The following STK32B variants were observed in gnomAD, a reference collection of about 807,000 sequenced individuals.
STK32B encodes the protein serine/threonine kinase 32B.
In STK32B, 43 loss-of-function variants were observed where a neutral mutation model predicts 52.6. The ratio of observed to expected loss-of-function variants is 0.82; its 90% CI spans 0.64 to 1.05. The LOEUF is 1.05. Among genes scored for constraint, STK32B ranks in the 50% least tolerant of loss-of-function variants. STK32B has a pLI of 0.00. For synonymous variants in STK32B, 238 were observed against 204.3 expected, an observed-to-expected ratio of 1.17 and a Z score of -1.41; for missense variants, 621 against 534.6, an observed-to-expected ratio of 1.16 and a Z score of -1.59.
chr4:5,074,393 T>C (rs1370189767), intron 1 of STK32B, among the ~76,000 whole-genome samples: 1 of 152,082 alleles, frequency 6.6e-6, no homozygotes, highest in Non-Finnish European at 1.5e-5. Context: ...ATTTTCTATA[T>C]TTCTGCTGAA....
chr4:5,481,682 T>A (rs887977101), intron 11 of STK32B, among the ~76,000 whole-genome samples: 2 of 152,210 alleles, frequency 1.3e-5, no homozygotes, highest in Admixed American at 6.5e-5. Flanking sequence ...TGAATGGTAT[T>A]GCCTAGTTTT....
chr4:5,080,052 G>GACGAGAGTT (rs111799350), intron 1 of STK32B, among the ~76,000 whole-genome samples: 1 of 151,530 alleles, frequency 6.6e-6, no homozygotes, highest in Non-Finnish European at 1.5e-5. Context: ...ACGGCATGGT[G>GACGAGAGTT]ACTAGAGTTA....
At chr4:5,419,459 C>T (rs1211613510) in intron 6 of STK32B, among the ~76,000 whole-genome samples, 1 of 152,322 alleles carries the variant, frequency 6.6e-6, no homozygotes, top group Non-Finnish European at 1.5e-5. Flanking sequence ...TCTTCAGTCT[C>T]CTTCAGAATT....
intron 3 of STK32B, among the ~76,000 whole-genome samples, chr4:5,189,442 CA>C: frequency 6.6e-6 from 1 of 152,140 alleles, no homozygotes; most frequent in Non-Finnish European, 1.5e-5. Flanking sequence ...TTTCACTTAG[CA>C]ATATGCGTTT....
chr4:5,428,777 C>G (rs1471917648), intron 6 of STK32B, among the ~76,000 whole-genome samples: 3 of 152,168 alleles, frequency 2.0e-5, no homozygotes, highest in African/African-American at 7.2e-5. Context: ...GTAAATTTCT[C>G]TGTTTTTCCT....
chr4:5,061,341 T>C (rs1024471421), intron 1 of STK32B, among the ~76,000 whole-genome samples: 9 of 152,234 alleles, frequency 5.9e-5, no homozygotes, highest in African/African-American at 2.2e-4. Context: ...TTCTCTTTTA[T>C]GGCTTTCAAA....
rs3821930 is a variant in STK32B, at chr4:5,455,206, G to A, written c.667-1601G>A. Among the ~76,000 whole-genome samples, 707 of 152,350 alleles carry A rather than the reference G, an allele frequency of 4.6e-3. 17 individuals are homozygous for A. In the East Asian group the frequency reaches 0.069, roughly 15 times the overall value. ...TCCAGGGAACTGTAGCCCTACCAAG[G>A]ATCGGGACCCCTCGCCCCTTTGGGC... On this transcript the variant is annotated intron_variant, in intron 7 of 11. Transcript: ENST00000282908.
intron 3 of STK32B, among the ~76,000 whole-genome samples, chr4:5,296,616 T>C (rs1207993431): frequency 6.6e-6 from 1 of 152,204 alleles, no homozygotes; most frequent in Non-Finnish European, 1.5e-5. Context: ...ATTTGCTTGG[T>C]GAATATCCCT....
intron 6 of STK32B, among the ~76,000 whole-genome samples, chr4:5,419,817 A>G (rs376018279): frequency 1.3e-5 from 2 of 152,240 alleles, no homozygotes; most frequent in African/African-American, 4.8e-5. Context: ...TTCAAAATCT[A>G]TACCATCATA....
chr4:5,019,415 G>C, the STK32B span: 1 of 1,485,120 alleles, frequency 6.7e-7, no homozygotes, highest in African/African-American at 1.5e-5. Flanking sequence ...AGGAGCAGCA[G>C]CAGCACGGGC....
chr4:5,294,181 G>C (rs1006646973), intron 3 of STK32B, among the ~76,000 whole-genome samples: 2 of 152,084 alleles, frequency 1.3e-5, no homozygotes, highest in Non-Finnish European at 2.9e-5. Context: ...TGCTGTTTTG[G>C]TTACTGTAGC....
chr4:5,393,927 A>C (rs150765119), intron 4 of STK32B, among the ~76,000 whole-genome samples: 216 of 152,280 alleles, frequency 1.4e-3, no homozygotes, highest in African/African-American at 5.1e-3. Context: ...TATGGATAGC[A>C]TATTCCCTTC....
chr4:5,108,191 G>T (rs1714210591), intron 1 of STK32B, among the ~76,000 whole-genome samples: 2 of 152,336 alleles, frequency 1.3e-5, no homozygotes, highest in East Asian at 3.9e-4. Context: ...GACCTGTACT[G>T]ATTCACATAG....
intron 2 of STK32B, among the ~76,000 whole-genome samples, chr4:5,148,524 C>G (rs1281804540): frequency 1.3e-5 from 2 of 151,662 alleles, no homozygotes; most frequent in East Asian, 1.9e-4. Context: ...TGTTTAACTT[C>G]CAAATATTTG....
intron 3 of STK32B, among the ~76,000 whole-genome samples, chr4:5,221,854 C>CAAAA (rs35134769): frequency 2.5e-5 from 2 of 81,124 alleles, no homozygotes; most frequent in African/African-American, 9.8e-5. Flanking sequence ...GACTCTGTCT[C>CAAAA]AAAAAAAAAA....
chr4:5,239,646 CAG>C (rs1238890703), intron 3 of STK32B, among the ~76,000 whole-genome samples: 3 of 152,072 alleles, frequency 2.0e-5, no homozygotes, highest in African/African-American at 7.2e-5. Context: ...TGTGCATTCT[CAG>C]AAAGTCCAGA....
rs915182705 is a variant in STK32B at position 5,395,927 on chromosome 4, A to C, written c.435-2280A>C. On this transcript the variant is annotated intron_variant, in intron 4 of 11. Coordinates refer to ENST00000282908, the MANE Select transcript of STK32B (RefSeq NM_018401.3). The surrounding 1 kb of genome is among the most constrained non-coding windows in gnomAD (Gnocchi z 4.4). Reference sequence around the variant, plus strand: ...CCGTGCCCCATTCTGTTCTCAGGATATGAGACAATGTGCGCCGGTGCAATG... The same window carrying C: ...CCGTGCCCCATTCTGTTCTCAGGATCTGAGACAATGTGCGCCGGTGCAATG... Among the ~76,000 whole-genome samples the C allele has an allele frequency of 5.3e-5, 8 of 152,188 alleles. No individual in the cohort carries two copies. Among genetic ancestry groups the C allele is most frequent in the African/African-American group, 1.9e-4 (8 of 41,448 alleles).
chr4:5,076,625 C>G (rs554187800), intron 1 of STK32B, among the ~76,000 whole-genome samples: 41 of 152,054 alleles, frequency 2.7e-4, no homozygotes, highest in Non-Finnish European at 4.9e-4. Flanking sequence ...TGATCTATAC[C>G]AATATAATCT....
chr4:5,205,020 T>A (rs1440541953), intron 3 of STK32B, among the ~76,000 whole-genome samples: 1 of 152,180 alleles, frequency 6.6e-6, no homozygotes, highest in Non-Finnish European at 1.5e-5. Context: ...CTCTCCCCAG[T>A]GTGGGAAGTC....
Sources: gnomAD v4.1 joint callset for allele counts (sites outside exome capture counted in the v4.1 genomes callset) on GRCh38, gnomAD v4.1.1 for gene constraint, Gnocchi (gnomAD v3.1) non-coding constraint, MANE v1.5 for transcripts, NCBI Gene and HGNC (gene_info 2026-07-23, HGNC 2026-07-21) for gene names.